The following ZNF462 variants were observed in gnomAD, a reference collection of about 807,000 sequenced individuals.
ZNF462 encodes zinc finger protein 462, also known as zinc finger PBX1-interacting protein.
Under a neutral mutation model 201.9 loss-of-function variants are expected in ZNF462, and 10 were observed. The ratio of observed to expected loss-of-function variants is 0.05; its 90% CI spans 0.03 to 0.08. ZNF462 has a LOEUF of 0.08. Among genes scored for constraint, ZNF462 ranks in the 10% least tolerant of loss-of-function variants. The probability of loss-of-function intolerance (pLI) is 1.00; values close to 1 mark genes in which losing one functional copy is unlikely to be tolerated. For missense variants in ZNF462, 2,523 were observed against 3,168.3 expected, an observed-to-expected ratio of 0.80 and a Z score of 4.89; for synonymous variants, 1,227 against 1,193.3, an observed-to-expected ratio of 1.03 and a Z score of -0.58.
intron 1 of ZNF462, among the ~76,000 whole-genome samples, chr9:106,897,906 C>T (rs906978331): frequency 1.3e-5 from 2 of 152,170 alleles, no homozygotes; most frequent in Non-Finnish European, 2.9e-5. Context: ...AGGCTAAAGC[C>T]GTGCTCTAAT....
rs1182374321 is a variant in ZNF462 at position 106,927,826 on chromosome 9, A to G, written c.3914A>G (p.Asp1305Gly). ...TCCATCATGCGATGGGCATTTCTAG[A>G]TGGCTTGATAGAAGCTGGCTACCAC... ...VTSIMRWAFLDGLIEAGYHCE... is the reference protein window; with the variant it reads ...VTSIMRWAFLGGLIEAGYHCE... The change falls in exon 3 of 13, where the codon GAT (aspartate) becomes GGT (glycine). Residue 1305 changes from aspartate to glycine, a missense_variant. Transcript: ENST00000277225. 6.2e-7 allele frequency: 1 copy of G among 1,614,146 alleles called. No individual in the cohort carries two copies.
intron 9 of ZNF462, chr9:106,976,470 G>A (rs1827010771): frequency 6.6e-6 from 1 of 152,190 alleles, no homozygotes; most frequent in Non-Finnish European, 1.5e-5. Flanking sequence ...AAATACAATA[G>A]TAAGTTTTGC....
At chr9:106,960,696 C>T (rs1039286609) in intron 7 of ZNF462, among the ~76,000 whole-genome samples, 19 of 152,092 alleles carry the variant, frequency 1.2e-4, no homozygotes, top group Non-Finnish European at 2.6e-4. Flanking sequence ...ATTCATTTCC[C>T]TACAAGTTTC....
chr9:106,969,433 C>T (rs1826469234), intron 7 of ZNF462, among the ~76,000 whole-genome samples: 1 of 152,058 alleles, frequency 6.6e-6, no homozygotes, highest in African/African-American at 2.4e-5. Context: ...ATGCAATAGG[C>T]CCTAGAGACA....
Position 107,011,163 on chromosome 9 carries a change from T to C in ZNF462, c.*133T>C, listed in dbSNP as rs1829907519. 6 of 771,436 alleles carry C rather than the reference T, an allele frequency of 7.8e-6. No individual in the cohort carries two copies. The highest frequency in any genetic ancestry group is 1.8e-5 in the African/African-American group (1 of 57,004). 47.8% of individuals were successfully genotyped at this position (771,436 alleles called of 1,614,324 possible). A position where few individuals can be genotyped will look rare whatever the true frequency, so the allele number is the denominator to read the frequency against. On this transcript the variant is annotated 3_prime_UTR_variant, in exon 13 of 13. Transcript: ENST00000277225. This position sits in a 1 kb window ranked among gnomAD's most constrained non-coding sequence, Gnocchi z 5.6. ...CTGCTTTTTAGGACTGAACAATCTA[T>C]TTTCAAAGCACTGGTACCTGTGTGA...
chr9:107,007,198 T>C (rs1829609845), intron 11 of ZNF462, among the ~76,000 whole-genome samples: 1 of 152,192 alleles, frequency 6.6e-6, no homozygotes, highest in South Asian at 2.1e-4. Flanking sequence ...ATAAGCATTA[T>C]AAAGGCAAAA....
chr9:106,903,772 GA>G (rs1829155838), intron 1 of ZNF462, among the ~76,000 whole-genome samples: 2 of 152,242 alleles, frequency 1.3e-5, no homozygotes, highest in Admixed American at 1.3e-4. Flanking sequence ...CCATTTGCAT[GA>G]AATGCCTTTT....
Position 106,964,893 on chromosome 9 carries a change from A to G in ZNF462, c.6428-7112A>G, listed in dbSNP as rs535463380. ...CAGTGCTAGAAGCAGAAATGGATGG[A>G]CCTGCTAAAGGATGGTGTACAGCAT... On this transcript the variant is annotated intron_variant, in intron 7 of 12. Transcript: ENST00000277225. Among the ~76,000 whole-genome samples the G allele has an allele frequency of 7.6e-4, 116 of 152,178 alleles. 1 individual carries two copies. The highest frequency in any genetic ancestry group is 2.4e-4 in the Non-Finnish European group (16 of 67,972).
At chr9:106,959,419 G>A (rs1023607980) in intron 7 of ZNF462, among the ~76,000 whole-genome samples, 24 of 152,040 alleles carry the variant, frequency 1.6e-4, no homozygotes, top group African/African-American at 4.8e-4. Context: ...CACTTACTTG[G>A]TGCAGAATTG....
intron 1 of ZNF462, among the ~76,000 whole-genome samples, chr9:106,873,917 C>T (rs1216817246): frequency 6.6e-6 from 1 of 152,152 alleles, no homozygotes; most frequent in African/African-American, 2.4e-5. Context: ...CCTAACATTG[C>T]TATGGATCTA....
At chr9:106,892,693 C>G (rs527626343) in intron 1 of ZNF462, among the ~76,000 whole-genome samples, 6 of 140,362 alleles carry the variant, frequency 4.3e-5, no homozygotes, top group Non-Finnish European at 3.0e-5. Flanking sequence ...CACACACATG[C>G]ACACACACAC....
In ZNF462 at chr9:106,970,688, A is replaced by G. The variant is rs1242655216; in HGVS notation, c.6428-1317A>G. ...GGTATTCATGGACTTCATTTGTGTCATTCATAGGCAGCTGTAGGTTATATA... is the reference window on the plus strand; with the variant it reads ...GGTATTCATGGACTTCATTTGTGTCGTTCATAGGCAGCTGTAGGTTATATA... On this transcript the variant is annotated intron_variant, in intron 7 of 12. Transcript: ENST00000277225. The surrounding 1 kb of genome is among the most constrained non-coding windows in gnomAD (Gnocchi z 4.2). 6.6e-6 allele frequency among the ~76,000 whole-genome samples: 1 copy of G among 152,162 alleles called. No homozygotes were observed. Among genetic ancestry groups the G allele is most frequent in the African/African-American group, 2.4e-5 (1 of 41,438 alleles).
chr9:106,925,453 A>G lies in ZNF462; in HGVS notation c.1541A>G (p.Asn514Ser). 6.2e-7 allele frequency: 1 copy of G among 1,614,220 alleles called. No individual in the cohort carries two copies. The highest frequency in any genetic ancestry group is 1.3e-5 in the African/African-American group (1 of 75,042). ...SQSESISSSLNEGVVSYESSS... is the reference protein window; with the variant it reads ...SQSESISSSLSEGVVSYESSS... Reference sequence around the variant, plus strand: ...AGTGAAAGCATTTCTTCCTCACTGAATGAAGGTGTGGTGTCTTATGAGAGC... The same window carrying G: ...AGTGAAAGCATTTCTTCCTCACTGAGTGAAGGTGTGGTGTCTTATGAGAGC... Residue 514 changes from asparagine (N) to serine (S), a missense_variant, in exon 3 of 13, where the codon AAT becomes AGT. This residue lies in a region of ZNF462 where 383 missense variants were observed against 453.4 expected (regional missense o/e 0.84). Transcript: ENST00000277225. This position sits in a 1 kb window ranked among gnomAD's most constrained non-coding sequence, Gnocchi z 7.9.
chr9:106,951,263 T>C (rs960998970), intron 7 of ZNF462, among the ~76,000 whole-genome samples: 3 of 152,174 alleles, frequency 2.0e-5, no homozygotes, highest in Admixed American at 6.5e-5. Context: ...TTCTTTCTCT[T>C]CTGATTTTTT....
intron 1 of ZNF462, among the ~76,000 whole-genome samples, chr9:106,916,478 A>G (rs1334261768): frequency 6.6e-6 from 1 of 152,220 alleles, no homozygotes; most frequent in African/African-American, 2.4e-5. Flanking sequence ...CTTGTGTGAA[A>G]AGTGTCTGTA....
chr9:106,924,890 C>T lies in ZNF462; in HGVS notation c.978C>T (p.Asn326=). Residue 326 remains asparagine, a synonymous_variant, in exon 3 of 13, where the codon AAC becomes AAT. Coordinates refer to ENST00000277225, the MANE Select transcript of ZNF462 (RefSeq NM_021224.6). This position sits in a 1 kb window ranked among gnomAD's most constrained non-coding sequence, Gnocchi z 6.2. ...TVSNFRGSMG[N]SIMRPNSSAS... is the part of the protein sequence containing the mutation. Reference sequence around the variant, plus strand: ...CCAACTTCAGGGGCTCCATGGGCAACTCCATCATGAGACCCAATTCTTCAG... The same window carrying T: ...CCAACTTCAGGGGCTCCATGGGCAATTCCATCATGAGACCCAATTCTTCAG... The T allele has an allele frequency of 6.2e-7, 1 of 1,614,226 alleles. No individual in the cohort carries two copies. The highest frequency in any genetic ancestry group is 8.5e-7 in the Non-Finnish European group (1 of 1,180,042).
intron 9 of ZNF462, among the ~76,000 whole-genome samples, chr9:106,979,770 A>T (rs146681685): frequency 2.0e-5 from 3 of 147,368 alleles, no homozygotes; most frequent in African/African-American, 2.7e-5. Flanking sequence ...ATGTATATGT[A>T]TCTTGCACAT....
chr9:106,896,951 A>T (rs534270522), intron 1 of ZNF462, among the ~76,000 whole-genome samples: 32 of 152,300 alleles, frequency 2.1e-4, no homozygotes, highest in Admixed American at 7.8e-4. Flanking sequence ...CATTCCCTAA[A>T]ATGTGGGCTG....
chr9:106,995,594 T>C (rs536873464), intron 10 of ZNF462: 29 of 152,176 alleles, frequency 1.9e-4, no homozygotes, highest in African/African-American at 7.0e-4. Flanking sequence ...CCTGGCTTCA[T>C]CACCTACCTG....
Sources: allele counts gnomAD v4.1 joint callset (sites outside exome capture counted in the v4.1 genomes callset), GRCh38; gene constraint gnomAD v4.1.1; regional missense constraint gnomAD v4.1.1; non-coding constraint Gnocchi (gnomAD v3.1); transcripts MANE v1.5; gene names NCBI Gene and HGNC (gene_info 2026-07-23, HGNC 2026-07-21).